The following ST8SIA6 variants were observed in gnomAD, a reference collection of about 807,000 sequenced individuals.
ST8SIA6 encodes the protein ST8 alpha-N-acetyl-neuraminide alpha-2,8-sialyltransferase 6.
A neutral mutation model predicts 33.6 loss-of-function variants in ST8SIA6; 39 were observed. That is an observed-to-expected ratio of 1.16 (90% confidence interval 0.90 to 1.52). The LOEUF (loss-of-function observed/expected upper bound fraction) is 1.52, where lower values mean the gene tolerates loss of function less well. ST8SIA6 is among the 40% of genes most tolerant of loss of function. The probability of loss-of-function intolerance (pLI) is 0.00; values close to 1 mark genes in which losing one functional copy is unlikely to be tolerated. For synonymous variants in ST8SIA6, 172 were observed against 167.2 expected (o/e 1.03, Z -0.22); for missense variants, 441 against 443.8 (o/e 0.99, Z 0.06).
rs1170299075 is a variant in ST8SIA6, at chr10:17,433,022, TG to T, written c.200+20536del. 3.3e-5 allele frequency among the ~76,000 whole-genome samples: 5 copies of T among 152,344 alleles called. No individual in the cohort carries two copies. In the East Asian group the frequency reaches 9.6e-4, roughly 29 times the overall value. ...CAATGAGGCATCCCTGGAGTCTCTC[TG>T]AATCTGCCGTGATTCTGGGAGCTGC... On this transcript the variant is annotated intron_variant, in intron 2 of 7. Coordinates refer to ENST00000377602, the MANE Select transcript of ST8SIA6 (RefSeq NM_001004470.3).
At chr10:17,380,916 TGC>T (rs1357437457) in intron 3 of ST8SIA6, among the ~76,000 whole-genome samples, 14 of 71,974 alleles carry the variant, frequency 1.9e-4, no homozygotes, top group East Asian at 1.6e-3. Flanking sequence ...TGTGTGTTTG[TGC>T]GTGTGTGTGT....
intron 2 of ST8SIA6, among the ~76,000 whole-genome samples, chr10:17,399,694 G>C (rs1850963409): frequency 6.6e-6 from 1 of 151,624 alleles, no homozygotes; most frequent in Non-Finnish European, 1.5e-5. Context: ...AGGTAGGGGA[G>C]GGTCTTGAGC....
At chr10:17,363,192 G>A (rs12266415) in intron 3 of ST8SIA6, among the ~76,000 whole-genome samples, 57 of 151,752 alleles carry the variant, frequency 3.8e-4, no homozygotes, top group Non-Finnish European at 6.6e-4. Context: ...TGTATCTATC[G>A]CTTGAGAATT....
chr10:17,359,770 G>T (rs897784429), intron 3 of ST8SIA6, among the ~76,000 whole-genome samples, 170 bp from the exon 4 acceptor site: 3 of 151,992 alleles, frequency 2.0e-5, no homozygotes, highest in African/African-American at 7.2e-5. Context: ...AATACAATTT[G>T]TAAATGATTA....
intron 3 of ST8SIA6, 48 bp downstream of exon 3, chr10:17,390,483 T>G (rs1290772843): frequency 1.3e-6 from 2 of 1,481,548 alleles, no homozygotes; most frequent in Non-Finnish European, 1.9e-6. Context: ...ATTCTGAAAA[T>G]AAAACCCTTG....
intron 6 of ST8SIA6, among the ~76,000 whole-genome samples, chr10:17,323,392 C>CTTTTT (rs760856694): frequency 2.7e-5 from 3 of 111,888 alleles, no homozygotes; most frequent in South Asian, 2.9e-4. Flanking sequence ...AAATATACAC[C>CTTTTT]TTTTTTTTTT....
chr10:17,415,551 C>A (rs1452469492), intron 2 of ST8SIA6, among the ~76,000 whole-genome samples: 1 of 152,118 alleles, frequency 6.6e-6, no homozygotes. Flanking sequence ...CCCACCCTTC[C>A]CCCTCCCTGT....
At position 17,317,301 on chromosome 10, in the gene ST8SIA6, A is replaced by G. The variant is rs942479322; in HGVS notation, c.*3577T>C. On this transcript the variant is annotated 3_prime_UTR_variant, in exon 8 of 8. Transcript: ENST00000377602. ...TCTGGAAGAGTGATGACCCAAAATA[A>G]GAAAGACCATGAGAAATATTCTTGC... is the stretch of plus-strand genomic sequence containing the variant. Among the ~76,000 whole-genome samples, 19 of 152,204 alleles carry G rather than the reference A, an allele frequency of 1.2e-4. No individual in the cohort carries two copies. Among genetic ancestry groups the G allele is most frequent in the Non-Finnish European group, 2.5e-4 (17 of 68,034 alleles).
chr10:17,392,916 C>T (rs1218035373), intron 2 of ST8SIA6, among the ~76,000 whole-genome samples: 1 of 152,104 alleles, frequency 6.6e-6, no homozygotes, highest in Admixed American at 6.6e-5. Context: ...CAAAGGGGTG[C>T]CCAGATAACT....
chr10:17,398,728 T>C (rs1376666474), intron 2 of ST8SIA6, among the ~76,000 whole-genome samples: 1 of 152,072 alleles, frequency 6.6e-6, no homozygotes, highest in Non-Finnish European at 1.5e-5. Flanking sequence ...GCCCAAAGGG[T>C]TATACAGTTC....
rs866738687 is a variant in ST8SIA6, at chr10:17,333,693, A to T, written c.378-2141T>A. ...CTGGGATATATATATATATATATATATATATATATATATATATATATATAT... is the reference window on the plus strand; with the variant it reads ...CTGGGATATATATATATATATATATTTATATATATATATATATATATATAT... On this transcript the variant is annotated intron_variant, in intron 4 of 7. Transcript: ENST00000377602. Among the ~76,000 whole-genome samples, 18 of 20,190 alleles carry T rather than the reference A, an allele frequency of 8.9e-4. 6 individuals carry two copies. The highest frequency in any genetic ancestry group is 1.9e-3 in the Admixed American group (3 of 1,540). The allele number at this position is 20,190 out of a possible 152,430, so 13.2% of individuals were successfully genotyped here.
intron 3 of ST8SIA6, among the ~76,000 whole-genome samples, chr10:17,382,249 T>G (rs1850176415): frequency 7.3e-6 from 1 of 136,406 alleles, no homozygotes; most frequent in Non-Finnish European, 1.6e-5. Flanking sequence ...GAAGTTTCAG[T>G]GATAATTTTT....
At chr10:17,416,583 C>T (rs1274012518) in intron 2 of ST8SIA6, among the ~76,000 whole-genome samples, 1 of 152,176 alleles carries the variant, frequency 6.6e-6, no homozygotes, top group Non-Finnish European at 1.5e-5. Flanking sequence ...AAACATTTAT[C>T]ATTCGGATTC....
intron 2 of ST8SIA6, among the ~76,000 whole-genome samples, chr10:17,415,743 G>A (rs1054542922): frequency 6.6e-6 from 1 of 151,418 alleles, no homozygotes; most frequent in South Asian, 2.1e-4. Context: ...CACCCAACAT[G>A]GCTCATCTCA....
chr10:17,405,287 C>T (rs1851213836), intron 2 of ST8SIA6, among the ~76,000 whole-genome samples: 1 of 151,946 alleles, frequency 6.6e-6, no homozygotes, highest in South Asian at 2.1e-4. Flanking sequence ...AGGAGGATTG[C>T]CTGAGCCCAG....
chr10:17,436,419 C>T (rs538137904), intron 2 of ST8SIA6, among the ~76,000 whole-genome samples: 5 of 152,026 alleles, frequency 3.3e-5, no homozygotes, highest in African/African-American at 4.8e-5. Flanking sequence ...ATGTGCACAA[C>T]GTGCAGGTTT....
intron 2 of ST8SIA6, among the ~76,000 whole-genome samples, chr10:17,449,513 T>A (rs1852835956): frequency 6.6e-6 from 1 of 152,164 alleles, no homozygotes; most frequent in Non-Finnish European, 1.5e-5. Context: ...CCTGAAAGAA[T>A]GCAAAAAGAG....
chr10:17,444,324 C>CTCG (rs1319855035), intron 2 of ST8SIA6, among the ~76,000 whole-genome samples: 7 of 152,100 alleles, frequency 4.6e-5, no homozygotes, highest in Non-Finnish European at 8.8e-5. Context: ...CGAACGTTGC[C>CTCG]TCGTGAGTCA....
At chr10:17,356,888 A>T (rs1423332826) in intron 4 of ST8SIA6, among the ~76,000 whole-genome samples, 1 of 152,118 alleles carries the variant, frequency 6.6e-6, no homozygotes, top group Non-Finnish European at 1.5e-5. Context: ...ATTTGAAGAG[A>T]CTGATTTTTG....
Sources: allele counts gnomAD v4.1 joint callset (sites outside exome capture counted in the v4.1 genomes callset), GRCh38; gene constraint gnomAD v4.1.1; transcripts MANE v1.5; gene names NCBI Gene and HGNC (gene_info 2026-07-23, HGNC 2026-07-21).